Variants in OR9Q1 observed in about 807,000 individuals in gnomAD.
OR9Q1 encodes the protein olfactory receptor 9Q1.
For synonymous variants in OR9Q1, 153 were observed against 148.6 expected (o/e 1.03, Z -0.22); for missense variants, 374 against 378.8 (o/e 0.99, Z 0.11).
At chr11:58,080,070 GT>G (rs1853574483) in intron 2 of OR9Q1, among the ~76,000 whole-genome samples, 1 of 152,098 alleles carries the variant, frequency 6.6e-6, no homozygotes, top group South Asian at 2.1e-4. Context: ...GTGCAGGCTT[GT>G]TACATGGGTA....
chr11:58,114,585 G>A (rs1486143747), intron 2 of OR9Q1, among the ~76,000 whole-genome samples: 1 of 152,146 alleles, frequency 6.6e-6, no homozygotes, highest in Non-Finnish European at 1.5e-5. Context: ...AAAAGGCTCA[G>A]GAGGGTAAGT....
At chr11:58,024,353 G>GT (rs35126252) in intron 1 of OR9Q1, among the ~76,000 whole-genome samples, 26,919 of 150,628 alleles carry the variant, frequency 0.18, 2,486 homozygotes, top group South Asian at 0.23. Flanking sequence ...TTTGTTGGCT[G>GT]TTTTTTTTTG....
intron 2 of OR9Q1, among the ~76,000 whole-genome samples, chr11:58,143,741 C>T (rs1469786260): frequency 1.3e-5 from 2 of 152,016 alleles, no homozygotes; most frequent in Admixed American, 6.6e-5. Context: ...GGAAAAAAAG[C>T]TAATGCTTGC....
chr11:58,081,360 A>G (rs1194800238), intron 2 of OR9Q1, among the ~76,000 whole-genome samples: 1 of 152,118 alleles, frequency 6.6e-6, no homozygotes, highest in Non-Finnish European at 1.5e-5. Flanking sequence ...GTGAAATGGT[A>G]TTTCTACTTC....
intron 2 of OR9Q1, among the ~76,000 whole-genome samples, chr11:58,170,624 T>A (rs1854545482): frequency 6.6e-6 from 1 of 152,140 alleles, no homozygotes; most frequent in Non-Finnish European, 1.5e-5. Context: ...CCAGTGGAGA[T>A]AATGAGTCAT....
At chr11:58,157,882 T>C (rs1178920057) in intron 2 of OR9Q1, among the ~76,000 whole-genome samples, 1 of 152,242 alleles carries the variant, frequency 6.6e-6, no homozygotes, top group East Asian at 1.9e-4. Flanking sequence ...TTCAGCTAAA[T>C]GGCAGATGAG....
intron 1 of OR9Q1, among the ~76,000 whole-genome samples, chr11:58,037,738 A>T (rs1853121776): frequency 1.8e-5 from 1 of 57,128 alleles, no homozygotes. Flanking sequence ...TTTTTTTTTG[A>T]GACGGAGTCT....
At chr11:58,176,511 G>A (rs963129422) in intron 2 of OR9Q1, among the ~76,000 whole-genome samples, 1 of 152,200 alleles carries the variant, frequency 6.6e-6, no homozygotes, top group African/African-American at 2.4e-5. Flanking sequence ...CCCACAGGAA[G>A]AGGCTGTTCC....
At chr11:58,027,665 A>G (rs1175228502) in intron 1 of OR9Q1, among the ~76,000 whole-genome samples, 3 of 152,114 alleles carry the variant, frequency 2.0e-5, no homozygotes, top group African/African-American at 4.8e-5. Context: ...GGAAAGAGAT[A>G]GTGGGGAAAC....
At chr11:58,053,424 C>A (rs201909202) in intron 1 of OR9Q1, among the ~76,000 whole-genome samples, 18,256 of 107,426 alleles carry the variant, frequency 0.17, 1,609 homozygotes, top group Non-Finnish European at 0.2. Flanking sequence ...CAGGAAGGGG[C>A]ACATCACACT....
intron 2 of OR9Q1, among the ~76,000 whole-genome samples, chr11:58,122,204 G>C (rs907163129): frequency 6.6e-6 from 1 of 152,160 alleles, no homozygotes; most frequent in African/African-American, 2.4e-5. Flanking sequence ...CTTGGGTCTG[G>C]AGCTTACTTC....
At chr11:58,061,128 A>G (rs1272778018) in intron 2 of OR9Q1, among the ~76,000 whole-genome samples, 1 of 151,962 alleles carries the variant, frequency 6.6e-6, no homozygotes, top group Non-Finnish European at 1.5e-5. Context: ...TCCTTCCCCT[A>G]CAGGCTCCTC....
intron 2 of OR9Q1, among the ~76,000 whole-genome samples, chr11:58,158,308 T>A (rs1854426452): frequency 6.6e-6 from 1 of 152,098 alleles, no homozygotes; most frequent in Non-Finnish European, 1.5e-5. Context: ...TGGTTAAAAT[T>A]CTCCAGAGAA....
At chr11:58,042,470 A>G (rs1435161607) in intron 1 of OR9Q1, among the ~76,000 whole-genome samples, 1 of 151,550 alleles carries the variant, frequency 6.6e-6, no homozygotes, top group Non-Finnish European at 1.5e-5. Flanking sequence ...ATGCGGCGTT[A>G]TTTCTGATGG....
At chr11:58,164,758 T>G (rs940208894) in intron 2 of OR9Q1, among the ~76,000 whole-genome samples, 8 of 152,192 alleles carry the variant, frequency 5.3e-5, no homozygotes, top group African/African-American at 1.9e-4. Context: ...CATCGTCACT[T>G]GTCAAATTGA....
rs115724072 is a variant in OR9Q1 at position 58,096,433 on chromosome 11, A to G, written c.-15+40486A>G. Among the ~76,000 whole-genome samples the G allele has an allele frequency of 2.1e-3, 321 of 152,236 alleles. 3 individuals are homozygous for G. Among genetic ancestry groups the G allele is most frequent in the African/African-American group, 7.4e-3 (309 of 41,558 alleles). On this transcript the variant is annotated intron_variant, in intron 2 of 2. Coordinates refer to ENST00000335397, the MANE Select transcript of OR9Q1 (RefSeq NM_001005212.4). ...ATTCTGACATCTATGACTATAAATT[A>G]GTTTGCCTACTTAAGCTTCGTATAA...
At chr11:58,031,605 T>C in intron 1 of OR9Q1, 1 of 1,613,764 alleles carries the variant, frequency 6.2e-7, no homozygotes, top group African/African-American at 1.3e-5. Context: ...TCTATGGTCA[T>C]TGCTGTGTCC....
chr11:58,090,594 C>T (rs1853674702), intron 2 of OR9Q1, among the ~76,000 whole-genome samples: 2 of 152,098 alleles, frequency 1.3e-5, no homozygotes, highest in Middle Eastern at 6.8e-3. Flanking sequence ...AGGTACATTG[C>T]CCTGAAATTT....
intron 1 of OR9Q1, among the ~76,000 whole-genome samples, chr11:58,037,678 TATATATA>T (rs1853115988): frequency 5.3e-5 from 1 of 18,998 alleles, no homozygotes; most frequent in Admixed American, 7.8e-4. Flanking sequence ...TATATATATA[TATATATA>T]TATATTTTTT....
Sources: allele counts gnomAD v4.1 joint callset (sites outside exome capture counted in the v4.1 genomes callset), GRCh38; gene constraint gnomAD v4.1.1; transcripts MANE v1.5; gene names NCBI Gene and HGNC (gene_info 2026-07-23, HGNC 2026-07-21).